Variants in MRC2 observed in about 807,000 individuals in gnomAD.
MRC2 encodes the protein mannose receptor C-type 2, also known as C-type mannose receptor 2.
Under a neutral mutation model 206.2 loss-of-function variants are expected in MRC2, and 84 were observed. That is an observed-to-expected ratio of 0.41 (90% CI 0.34 to 0.49). The LOEUF (loss-of-function observed/expected upper bound fraction) is 0.49. Ranked by LOEUF, MRC2 falls within the 20% of genes least tolerant of loss-of-function variation. MRC2 has a pLI of 0.31. For missense variants in MRC2, 1,676 were observed against 2,001.5 expected, an observed-to-expected ratio of 0.84 and a Z score of 3.10; for synonymous variants, 798 against 800.0, an observed-to-expected ratio of 1.00 and a Z score of 0.04.
At position 62,664,714 on chromosome 17, in the gene MRC2, C is replaced by CA; in HGVS notation, c.286dup (p.Thr96AsnfsTer16). ...ACCTGGGTACCATGCAGTGCCTGGG[C>CA]ACAGGCTGGCCAGGCACCAACACCA... On this transcript the variant is annotated frameshift_variant, in exon 2 of 30. Transcript: ENST00000303375. LOFTEE classifies it high-confidence loss of function. The surrounding 1 kb of genome is among the most constrained non-coding windows in gnomAD (Gnocchi z 4.7). The CA allele has an allele frequency of 1.2e-6, 2 of 1,614,008 alleles. No individual in the cohort carries two copies.
At chr17:62,631,109 C>A (rs1162399944) in intron 1 of MRC2, among the ~76,000 whole-genome samples, 1 of 152,138 alleles carries the variant, frequency 6.6e-6, no homozygotes, top group African/African-American at 2.4e-5. Flanking sequence ...ACGTAGGGCA[C>A]CGTGACTTGG....
chr17:62,663,741 C>A (rs1386561299), intron 1 of MRC2, among the ~76,000 whole-genome samples: 5 of 151,982 alleles, frequency 3.3e-5, no homozygotes, highest in Non-Finnish European at 7.4e-5. Context: ...CTGGGAAGAT[C>A]CTAGAAGAAG....
At chr17:62,669,557 T>C (rs1052236639) in intron 6 of MRC2, among the ~76,000 whole-genome samples, 9 of 150,628 alleles carry the variant, frequency 6.0e-5, no homozygotes, top group Non-Finnish European at 1.2e-4. Context: ...TGAAACAGAG[T>C]CTCGCTCTGT....
intron 12 of MRC2, among the ~76,000 whole-genome samples, chr17:62,677,787 C>T (rs772123128): frequency 5.9e-5 from 9 of 152,200 alleles, no homozygotes; most frequent in Non-Finnish European, 1.2e-4. Context: ...CGCAGTGGCT[C>T]ACACCTGTAA....
chr17:62,688,922 C>A lies in MRC2; in HGVS notation c.3296C>A (p.Thr1099Lys). ...FTGRWDDRSCTEETHGFICQK... is the reference protein window; with the variant it reads ...FTGRWDDRSCKEETHGFICQK... The stretch of plus-strand genomic sequence containing the variant: ...GGCCGCTGGGACGATCGGAGCTGCA[C>A]GGAGGAGACCCATGGCTTCATCTGC... Residue 1099 changes from threonine to lysine, a missense_variant, in exon 23 of 30, where the codon ACG (threonine) becomes AAG (lysine). Physicochemically the swap from Thr to Lys is moderately conservative, Grantham distance 78. Coordinates refer to ENST00000303375, the MANE Select transcript of MRC2 (RefSeq NM_006039.5). The A allele has an allele frequency of 6.2e-7, 1 of 1,613,808 alleles. No individual in the cohort carries two copies. Among genetic ancestry groups the A allele is most frequent in the Non-Finnish European group, 8.5e-7 (1 of 1,179,990 alleles).
chr17:62,627,802 G>C lies in MRC2; in HGVS notation c.-1G>C, dbSNP rs866996259. 7.0e-7 allele frequency: 1 copy of C among 1,433,462 alleles called. No homozygotes were observed. Among genetic ancestry groups the C allele is most frequent in the Non-Finnish European group, 9.1e-7 (1 of 1,102,352 alleles). 88.8% of individuals were successfully genotyped at this position (1,433,462 alleles called of 1,614,324 possible). A position where few individuals can be genotyped will look rare whatever the true frequency, so the allele number is the denominator to read the frequency against. Reference sequence around the variant, plus strand: ...GCGTCCACTGAGCGCCGCGCTCGGGGATGGGGCCCGGCCGGCCGGCCCCCG... The same window carrying C: ...GCGTCCACTGAGCGCCGCGCTCGGGCATGGGGCCCGGCCGGCCGGCCCCCG... On this transcript the variant is annotated 5_prime_UTR_variant, in exon 1 of 30. Transcript: ENST00000303375.
intron 6 of MRC2, among the ~76,000 whole-genome samples, chr17:62,668,160 C>T (rs1360196386): frequency 6.6e-6 from 1 of 151,934 alleles, no homozygotes; most frequent in Non-Finnish European, 1.5e-5. Flanking sequence ...AGTTCAAGAC[C>T]AGCCTGGGCA....
chr17:62,676,570 G>A, intron 11 of MRC2, 39 bp downstream of exon 11: 1 of 1,550,240 alleles, frequency 6.5e-7, no homozygotes, highest in Non-Finnish European at 8.7e-7. Flanking sequence ...GAAGCGAGGA[G>A]GGAGGCCAGG....
intron 18 of MRC2, 94 bp from the exon 19 acceptor site, chr17:62,681,743 C>A (rs897663258): frequency 1.2e-5 from 12 of 992,872 alleles, no homozygotes; most frequent in Non-Finnish European, 1.7e-5. Context: ...CTGGGCCCTT[C>A]CCTGCCCCCA....
At chr17:62,640,866 G>GT (rs980048196) in intron 1 of MRC2, among the ~76,000 whole-genome samples, 6 of 151,302 alleles carry the variant, frequency 4.0e-5, no homozygotes, top group African/African-American at 1.5e-4. Flanking sequence ...TTTGTTTTTT[G>GT]TTTTTTGTGT....
chr17:62,627,672 C>A lies in MRC2; in HGVS notation c.-131C>A. 1 of 589,400 alleles carries A rather than the reference C, an allele frequency of 1.7e-6. No homozygotes were observed. Among genetic ancestry groups the A allele is most frequent in the Non-Finnish European group, 2.6e-6 (1 of 385,222 alleles). 36.5% of individuals were successfully genotyped at this position (589,400 alleles called of 1,614,324 possible). ...CTCCCTCCTCCTCCCCGGGAGGCAT[C>A]ACTTCGTCCCGACCCGGAGGAGGAC... On this transcript the variant is annotated 5_prime_UTR_variant, in exon 1 of 30. Transcript: ENST00000303375.
Position 62,680,801 on chromosome 17 carries a change from C to T in MRC2, c.2475C>T (p.Gly825=). 6.2e-7 allele frequency: 1 copy of T among 1,608,444 alleles called. No individual in the cohort carries two copies. The highest frequency in any genetic ancestry group is 8.5e-7 in the Non-Finnish European group (1 of 1,177,784). The stretch of plus-strand genomic sequence containing the variant: ...CCCACGCCCGCGCTGCTCCTGCAGG[C>T]CGACGGGAATGGCTGCGCTTCCAGG... ...DVREPDDSPQ[G]RREWLRFQEA... The change falls in exon 17 of 30, where the codon GGC becomes GGT. Residue 825 remains glycine, a splice_region_variant and synonymous_variant. Transcript: ENST00000303375. The surrounding 1 kb of genome is among the most constrained non-coding windows in gnomAD (Gnocchi z 4.8).
In MRC2 at chr17:62,692,223, C is replaced by A; in HGVS notation, c.4220-8C>A. On this transcript the variant is annotated splice_region_variant and splice_polypyrimidine_tract_variant and intron_variant, in intron 29 of 29. Transcript: ENST00000303375. This position sits in a 1 kb window ranked among gnomAD's most constrained non-coding sequence, Gnocchi z 4.2. Reference sequence around the variant, plus strand: ...CACTTGGCCTTTCACGCCCACTCGCCTTGGCAGCGCTTCCAGAGAACCCAG... The same window carrying A: ...CACTTGGCCTTTCACGCCCACTCGCATTGGCAGCGCTTCCAGAGAACCCAG... 6.2e-7 allele frequency: 1 copy of A among 1,612,296 alleles called. No individual in the cohort carries two copies. The highest frequency in any genetic ancestry group is 1.1e-5 in the South Asian group (1 of 90,864).
At chr17:62,678,005 G>A (rs900187127) in intron 12 of MRC2, among the ~76,000 whole-genome samples, 3 of 152,192 alleles carry the variant, frequency 2.0e-5, no homozygotes, top group Non-Finnish European at 2.9e-5. Context: ...AGCCGAGATC[G>A]TGCCACTGCA....
At position 62,666,151 on chromosome 17, in the gene MRC2, A is replaced by G; in HGVS notation, c.578A>G (p.Tyr193Cys). 6.3e-7 allele frequency: 1 copy of G among 1,599,788 alleles called. No homozygotes were observed. Among genetic ancestry groups the G allele is most frequent in the Non-Finnish European group, 8.5e-7 (1 of 1,173,046 alleles). Residue 193 changes from tyrosine (Y) to cysteine (C), a missense_variant, in exon 3 of 30, where the codon TAT (tyrosine) becomes TGT (cysteine). Tyr to Cys is a radical substitution (Grantham distance 194). This residue lies in a region of MRC2 where 318 missense variants were observed against 346.7 expected (regional missense o/e 0.92). Transcript: ENST00000303375. This position sits in a 1 kb window ranked among gnomAD's most constrained non-coding sequence, Gnocchi z 5.0. ...HGKPCTIPFK[Y>C]DNQWFHGCTS... is the part of the protein sequence containing the mutation. ...AAGCCGTGCACCATCCCCTTCAAAT[A>G]TGACAACCAGTGGTTCCACGGCTGC...
chr17:62,653,545 G>C (rs2088583367), intron 1 of MRC2, among the ~76,000 whole-genome samples: 1 of 152,202 alleles, frequency 6.6e-6, no homozygotes, highest in Non-Finnish European at 1.5e-5. Context: ...ATCACAGTCT[G>C]CAGCACAGAG....
chr17:62,680,396 G>C lies in MRC2; in HGVS notation c.2438-22G>C, dbSNP rs750199344. On this transcript the variant is annotated intron_variant, in intron 15 of 29. Transcript: ENST00000303375. This position sits in a 1 kb window ranked among gnomAD's most constrained non-coding sequence, Gnocchi z 4.8. ...AGGGAGGGTCTCCTTTCCTCACAACGTCTTTGTCCTTGTTCCCCTAGGTAC... is the reference window on the plus strand; with the variant it reads ...AGGGAGGGTCTCCTTTCCTCACAACCTCTTTGTCCTTGTTCCCCTAGGTAC... 2 of 1,613,956 alleles carry C rather than the reference G, an allele frequency of 1.2e-6. No homozygotes were observed. Among genetic ancestry groups the C allele is most frequent in the Admixed American group, 3.3e-5 (2 of 59,998 alleles).
intron 20 of MRC2, among the ~76,000 whole-genome samples, chr17:62,683,510 CT>C (rs754026119): frequency 0.024 from 2,923 of 123,916 alleles, 125 homozygotes; most frequent in African/African-American, 0.076. Context: ...AAAAAAACAC[CT>C]TTTTTTTTTT....
chr17:62,687,594 T>C (rs1007955736), intron 20 of MRC2, among the ~76,000 whole-genome samples: 5 of 152,238 alleles, frequency 3.3e-5, no homozygotes, highest in African/African-American at 9.6e-5. Context: ...GGAAACCTTA[T>C]AGAGCTAATG....
Sources: gnomAD v4.1 joint callset for allele counts (sites outside exome capture counted in the v4.1 genomes callset) on GRCh38, gnomAD v4.1.1 for gene constraint, gnomAD v4.1.1 regional missense constraint, Gnocchi (gnomAD v3.1) non-coding constraint, MANE v1.5 for transcripts, NCBI Gene and HGNC (gene_info 2026-07-23, HGNC 2026-07-21) for gene names.